CORIN: variants seen among roughly 807,000 people sequenced by gnomAD.
The protein encoded by CORIN is atrial natriuretic peptide-converting enzyme.
A neutral mutation model predicts 125.3 loss-of-function variants in CORIN; 117 were observed. The ratio of observed to expected loss-of-function variants is 0.93; its 90% CI spans 0.80 to 1.09. CORIN has a LOEUF of 1.09. Ranked by LOEUF, CORIN falls within the 50% of genes least tolerant of loss-of-function variation. The pLI is 0.00. For synonymous variants in CORIN, 450 were observed against 466.4 expected (o/e 0.96, Z 0.45); for missense variants, 1,253 against 1,306.7 (o/e 0.96, Z 0.63).
chr4:47,738,619 T>C (rs992504958), intron 5 of CORIN, among the ~76,000 whole-genome samples: 1 of 152,162 alleles, frequency 6.6e-6, no homozygotes, highest in Non-Finnish European at 1.5e-5. Context: ...GAACATTATA[T>C]TATTTTAAAT....
chr4:47,680,093 A>G (rs376004392), intron 8 of CORIN, 48 bp downstream of exon 8: 56 of 1,245,562 alleles, frequency 4.5e-5, no homozygotes, highest in Non-Finnish European at 6.6e-5. Flanking sequence ...CAGCCTAAAG[A>G]ACCAGAAATG....
Position 47,623,892 on chromosome 4 carries a change from C to T in CORIN, c.2365+7G>A. Reference sequence around the variant, plus strand: ...ATATCCCATTGCCACACCTCTAATTCTCTCACCTTGTTTAGTACACAGAAG... The same window carrying T: ...ATATCCCATTGCCACACCTCTAATTTTCTCACCTTGTTTAGTACACAGAAG... On this transcript the variant is annotated splice_region_variant and intron_variant, in intron 18 of 21. Coordinates refer to ENST00000273857, the MANE Select transcript of CORIN (RefSeq NM_006587.4). 1 of 1,613,370 alleles carries T rather than the reference C, an allele frequency of 6.2e-7. No individual in the cohort carries two copies. The highest frequency in any genetic ancestry group is 8.5e-7 in the Non-Finnish European group (1 of 1,179,266).
intron 16 of CORIN, among the ~76,000 whole-genome samples, chr4:47,630,515 T>C (rs1722764791): frequency 6.6e-6 from 1 of 152,154 alleles, no homozygotes; most frequent in African/African-American, 2.4e-5. Flanking sequence ...TCTGTGCAGG[T>C]AATACAGACT....
At chr4:47,638,492 A>G (rs760781365) in intron 16 of CORIN, among the ~76,000 whole-genome samples, 4 of 152,200 alleles carry the variant, frequency 2.6e-5, no homozygotes, top group Non-Finnish European at 5.9e-5. Context: ...GAGGTGATTC[A>G]ATTATGGGGG....
chr4:47,660,970 T>C (rs928690846), intron 12 of CORIN, among the ~76,000 whole-genome samples: 17 of 152,192 alleles, frequency 1.1e-4, no homozygotes, highest in African/African-American at 3.9e-4. Flanking sequence ...ATGTGGTACA[T>C]ATATGCAATG....
intron 12 of CORIN, among the ~76,000 whole-genome samples, chr4:47,660,024 A>C (rs571482661): frequency 4.6e-5 from 7 of 152,310 alleles, no homozygotes; most frequent in Admixed American, 3.3e-4. Flanking sequence ...AAACTGAGAA[A>C]AGAACTCATA....
At chr4:47,644,369 A>C (rs1723374157) in intron 14 of CORIN, among the ~76,000 whole-genome samples, 1 of 152,238 alleles carries the variant, frequency 6.6e-6, no homozygotes, top group South Asian at 2.1e-4. Context: ...AAACTGCTGC[A>C]TACAGCCTCA....
chr4:47,625,958 A>C (rs953767589), intron 17 of CORIN, among the ~76,000 whole-genome samples: 1 of 152,172 alleles, frequency 6.6e-6, no homozygotes, highest in Non-Finnish European at 1.5e-5. Flanking sequence ...ATGATTTTTT[A>C]GGGTAAACTT....
chr4:47,698,169 A>G (rs1726114290), intron 5 of CORIN, among the ~76,000 whole-genome samples: 1 of 151,992 alleles, frequency 6.6e-6, no homozygotes, highest in Non-Finnish European at 1.5e-5. Context: ...CATAATTTTA[A>G]AATTCTTATA....
intron 12 of CORIN, among the ~76,000 whole-genome samples, chr4:47,654,966 T>C (rs1009737762): frequency 6.6e-6 from 1 of 151,852 alleles, no homozygotes; most frequent in Non-Finnish European, 1.5e-5. Flanking sequence ...TCTTGCAACT[T>C]GGATATCAGC....
intron 7 of CORIN, chr4:47,682,063 C>T (rs1430170598): frequency 6.6e-6 from 1 of 152,136 alleles, no homozygotes; most frequent in Non-Finnish European, 1.5e-5. Context: ...ACCACATGCC[C>T]TCACTCATAT....
chr4:47,773,856 T>C (rs546984959), intron 3 of CORIN, among the ~76,000 whole-genome samples: 5 of 151,740 alleles, frequency 3.3e-5, no homozygotes, highest in Admixed American at 1.3e-4. Flanking sequence ...ATTTGAAAGA[T>C]AAAAGGTATA....
chr4:47,724,201 T>C (rs531107052), intron 5 of CORIN, among the ~76,000 whole-genome samples: 229 of 152,130 alleles, frequency 1.5e-3, no homozygotes, highest in Non-Finnish European at 2.8e-3. Flanking sequence ...AGTAAAGAAA[T>C]AGCAGCTATG....
intron 16 of CORIN, among the ~76,000 whole-genome samples, chr4:47,639,814 T>C (rs1408813448): frequency 6.6e-6 from 1 of 152,178 alleles, no homozygotes; most frequent in Non-Finnish European, 1.5e-5. Flanking sequence ...CCTGAGCCTG[T>C]TCCCTCAGCA....
chr4:47,726,327 A>G (rs540815115), intron 5 of CORIN, among the ~76,000 whole-genome samples: 13 of 152,148 alleles, frequency 8.5e-5, no homozygotes, highest in Non-Finnish European at 1.6e-4. Flanking sequence ...ATGAGCAAAT[A>G]AACAAATTGA....
At chr4:47,651,174 G>A (rs984463816) in intron 13 of CORIN, among the ~76,000 whole-genome samples, 2 of 152,214 alleles carry the variant, frequency 1.3e-5, no homozygotes, top group African/African-American at 4.8e-5. Context: ...TGTTTTGAGT[G>A]GAAACTCAAT....
At chr4:47,683,691 G>T (rs1725387588) in intron 7 of CORIN, 40 bp downstream of exon 7, 6 of 1,438,688 alleles carry the variant, frequency 4.2e-6, no homozygotes, top group Non-Finnish European at 5.8e-6. Context: ...AAATTTCTAT[G>T]ATTTTAAATT....
intron 16 of CORIN, among the ~76,000 whole-genome samples, chr4:47,639,691 GAA>G (rs1169771444): frequency 6.6e-6 from 1 of 152,216 alleles, no homozygotes; most frequent in African/African-American, 2.4e-5. Context: ...TGATCTGGAG[GAA>G]ATGACTCAAA....
intron 20 of CORIN, among the ~76,000 whole-genome samples, chr4:47,600,968 A>G (rs1214165678): frequency 6.6e-6 from 1 of 152,230 alleles, no homozygotes; most frequent in East Asian, 1.9e-4. Context: ...TTGAAGAATG[A>G]CAATGGATTT....
Sources: gnomAD v4.1 joint callset for allele counts (sites outside exome capture counted in the v4.1 genomes callset) on GRCh38, gnomAD v4.1.1 for gene constraint, MANE v1.5 for transcripts, NCBI Gene and HGNC (gene_info 2026-07-23, HGNC 2026-07-21) for gene names.